LUZP2: variants seen among roughly 807,000 people sequenced by gnomAD.
LUZP2 encodes the protein leucine zipper protein 2.
Under a neutral mutation model 51.6 loss-of-function variants are expected in LUZP2, and 52 were observed. The ratio of observed to expected loss-of-function variants is 1.01; its 90% confidence interval spans 0.81 to 1.27. The LOEUF (loss-of-function observed/expected upper bound fraction) is 1.27, where lower values mean the gene tolerates loss of function less well. Among genes scored for constraint, LUZP2 ranks in the 50% most tolerant of loss-of-function variants. The probability of loss-of-function intolerance (pLI) is 0.00; values close to 1 mark genes in which losing one functional copy is unlikely to be tolerated. For missense variants in LUZP2, 436 were observed against 395.4 expected (o/e 1.10, Z -0.87); for synonymous variants, 154 against 137.3 (o/e 1.12, Z -0.85).
At chr11:24,543,120 A>G (rs148414314) in intron 1 of LUZP2, among the ~76,000 whole-genome samples, 3,917 of 152,148 alleles carry the variant, frequency 0.026, 134 homozygotes, top group African/African-American at 0.074. Context: ...TCAGGTGTGC[A>G]TATATTTAAT....
intron 9 of LUZP2, among the ~76,000 whole-genome samples, chr11:25,007,741 T>C (rs1390162609): frequency 6.6e-6 from 1 of 152,204 alleles, no homozygotes; most frequent in African/African-American, 2.4e-5. Context: ...GATTGTTTAA[T>C]TAGGAGGAAG....
intron 7 of LUZP2, among the ~76,000 whole-genome samples, chr11:24,934,614 ATGT>A (rs1343936911): frequency 1.3e-5 from 2 of 152,166 alleles, no homozygotes; most frequent in East Asian, 3.8e-4. Context: ...TGAAAAAAAA[ATGT>A]TGTGACATAT....
In LUZP2 at chr11:24,505,177, C is replaced by T. The variant is rs561270425; in HGVS notation, c.62+7872C>T. Among the ~76,000 whole-genome samples, 9 of 152,252 alleles carry T rather than the reference C, an allele frequency of 5.9e-5. No homozygotes were observed. In the South Asian group the frequency reaches 1.7e-3, roughly 28 times the overall value. Reference sequence around the variant, plus strand: ...TGTGACTTCTTCTGACTTCCTCCTGCCTGTCCTCCAGAGGGTTATGATGGT... The same window carrying T: ...TGTGACTTCTTCTGACTTCCTCCTGTCTGTCCTCCAGAGGGTTATGATGGT... On this transcript the variant is annotated intron_variant, in intron 1 of 11. Transcript: ENST00000336930.
intron 1 of LUZP2, among the ~76,000 whole-genome samples, chr11:24,530,575 T>C (rs1284395685): frequency 6.6e-6 from 1 of 150,778 alleles, no homozygotes; most frequent in African/African-American, 2.4e-5. Flanking sequence ...CTGCATTTGA[T>C]CTTATAAACT....
chr11:24,833,322 C>A (rs1850753712), intron 5 of LUZP2, among the ~76,000 whole-genome samples: 1 of 152,118 alleles, frequency 6.6e-6, no homozygotes, highest in African/African-American at 2.4e-5. Context: ...ATAATATTCA[C>A]CAAAACAACT....
chr11:24,686,112 A>G (rs1361382750), intron 1 of LUZP2, among the ~76,000 whole-genome samples: 1 of 152,084 alleles, frequency 6.6e-6, no homozygotes, highest in East Asian at 1.9e-4. Flanking sequence ...AGATGGGGAA[A>G]TTCTATCTTA....
At chr11:24,599,575 A>G (rs1590223876) in intron 1 of LUZP2, among the ~76,000 whole-genome samples, 1 of 152,116 alleles carries the variant, frequency 6.6e-6, no homozygotes, top group African/African-American at 2.4e-5. Context: ...TAGATAATCA[A>G]TCACACCTGT....
chr11:24,561,338 C>G (rs1852033013), intron 1 of LUZP2, among the ~76,000 whole-genome samples: 2 of 151,984 alleles, frequency 1.3e-5, no homozygotes, highest in African/African-American at 2.4e-5. Flanking sequence ...CCATAGTGTT[C>G]TAATAACTTA....
At chr11:24,663,451 T>G (rs1356168128) in intron 1 of LUZP2, among the ~76,000 whole-genome samples, 1 of 152,206 alleles carries the variant, frequency 6.6e-6, no homozygotes, top group Non-Finnish European at 1.5e-5. Context: ...AAACCTTTTT[T>G]CTTCATAAAT....
At chr11:24,917,023 A>C (rs1467229675) in intron 7 of LUZP2, among the ~76,000 whole-genome samples, 4 of 152,102 alleles carry the variant, frequency 2.6e-5, no homozygotes, top group African/African-American at 4.8e-5. Context: ...AATGATCACC[A>C]TTCTAACTGG....
At chr11:24,988,172 C>G (rs1299355281) in intron 9 of LUZP2, among the ~76,000 whole-genome samples, 1 of 152,008 alleles carries the variant, frequency 6.6e-6, no homozygotes, top group East Asian at 1.9e-4. Context: ...CCATCAATCA[C>G]TAACCATTTA....
At chr11:24,830,115 A>AG (rs1330207070) in intron 5 of LUZP2, among the ~76,000 whole-genome samples, 1 of 151,800 alleles carries the variant, frequency 6.6e-6, no homozygotes, top group Admixed American at 6.6e-5. Context: ...CAGAGAAAAA[A>AG]AAACGCTTAA....
chr11:24,556,236 T>C (rs1851866009), intron 1 of LUZP2, among the ~76,000 whole-genome samples: 1 of 152,188 alleles, frequency 6.6e-6, no homozygotes. Context: ...GTATATATGT[T>C]TTTATTACGT....
intron 1 of LUZP2, among the ~76,000 whole-genome samples, chr11:24,594,996 G>A (rs1853391515): frequency 6.6e-6 from 1 of 151,832 alleles, no homozygotes; most frequent in Non-Finnish European, 1.5e-5. Context: ...TCCTGACCTT[G>A]TGATCCGCCC....
chr11:24,991,364 G>A (rs1180066705), intron 9 of LUZP2, among the ~76,000 whole-genome samples: 1 of 131,864 alleles, frequency 7.6e-6, no homozygotes. Flanking sequence ...ATATATATGT[G>A]TGTGTATATA....
At chr11:24,842,552 C>T (rs1851068589) in intron 5 of LUZP2, among the ~76,000 whole-genome samples, 1 of 151,872 alleles carries the variant, frequency 6.6e-6, no homozygotes, top group Admixed American at 6.6e-5. Context: ...TTATACAATA[C>T]ACCCTTTTTT....
intron 1 of LUZP2, among the ~76,000 whole-genome samples, chr11:24,575,801 C>T (rs889134140): frequency 1.3e-5 from 2 of 152,120 alleles, no homozygotes; most frequent in African/African-American, 2.4e-5. Context: ...CACATCTTTG[C>T]TTACCAGCAT....
At chr11:24,758,547 CT>C (rs1565121384) in intron 4 of LUZP2, among the ~76,000 whole-genome samples, 1 of 151,850 alleles carries the variant, frequency 6.6e-6, no homozygotes, top group Non-Finnish European at 1.5e-5. Context: ...ATATTTATAA[CT>C]TTTTTATTGT....
chr11:24,641,033 C>A (rs1251957461), intron 1 of LUZP2, among the ~76,000 whole-genome samples: 2 of 150,972 alleles, frequency 1.3e-5, no homozygotes, highest in South Asian at 2.1e-4. Context: ...CTTGCCTCAG[C>A]CTCCCAAGTA....
Sources: allele counts gnomAD v4.1 joint callset (sites outside exome capture counted in the v4.1 genomes callset), GRCh38; gene constraint gnomAD v4.1.1; transcripts MANE v1.5; gene names NCBI Gene and HGNC (gene_info 2026-07-23, HGNC 2026-07-21).